LIN28B: variants seen among roughly 807,000 people sequenced by gnomAD.
LIN28B encodes protein lin-28 homolog B.
LIN28B carries 5 observed loss-of-function variants against 21.9 expected under a neutral mutation model. The observed-to-expected ratio is 0.23, with a 90% CI of 0.12 to 0.48. LIN28B has a LOEUF of 0.48. LIN28B is among the 20% of genes least tolerant of loss of function. LIN28B has a pLI of 0.98. For missense variants in LIN28B, 245 were observed against 310.5 expected (o/e 0.79, Z 1.58); for synonymous variants, 109 against 111.3 (o/e 0.98, Z 0.13).
At chr6:105,066,122 G>T (rs1321720369) in intron 3 of LIN28B, among the ~76,000 whole-genome samples, 1 of 152,178 alleles carries the variant, frequency 6.6e-6, no homozygotes, top group Non-Finnish European at 1.5e-5. Flanking sequence ...GTAGTGAGCT[G>T]TGATGGTGCC....
At chr6:104,980,164 C>T (rs1320449097) in intron 2 of LIN28B, among the ~76,000 whole-genome samples, 3 of 151,888 alleles carry the variant, frequency 2.0e-5, no homozygotes, top group African/African-American at 4.8e-5. Context: ...TTTAAAATTC[C>T]GTAATGTAGT....
chr6:105,001,851 G>T (rs907728325), intron 2 of LIN28B, among the ~76,000 whole-genome samples: 2 of 152,174 alleles, frequency 1.3e-5, no homozygotes, highest in African/African-American at 2.4e-5. Flanking sequence ...AGCTGGAAGA[G>T]AATTTATTTT....
intron 2 of LIN28B, among the ~76,000 whole-genome samples, chr6:104,942,826 A>G (rs762344542): frequency 4.6e-5 from 7 of 152,184 alleles, no homozygotes; most frequent in Non-Finnish European, 7.4e-5. Context: ...TCTTTGCTTT[A>G]CAATATAAGG....
chr6:104,976,537 G>C (rs1770097625), intron 2 of LIN28B, among the ~76,000 whole-genome samples: 1 of 152,196 alleles, frequency 6.6e-6, no homozygotes, highest in East Asian at 1.9e-4. Context: ...AGAGCTTATA[G>C]TCATGTGTAT....
chr6:104,971,966 G>GTTATTTATTTAT (rs200156801), intron 2 of LIN28B, among the ~76,000 whole-genome samples: 14 of 151,664 alleles, frequency 9.2e-5, no homozygotes, highest in Non-Finnish European at 1.6e-4. Context: ...TAGTATTACT[G>GTTATTTATTTAT]TTATTTATTT....
At chr6:104,951,569 T>C (rs1778221605) in intron 3 of LIN28B, among the ~76,000 whole-genome samples, 2 of 152,140 alleles carry the variant, frequency 1.3e-5, no homozygotes, top group South Asian at 4.1e-4. Context: ...TGGTTTTCTG[T>C]TGGGGCCAGT....
At chr6:105,043,295 G>A (rs1444181455) in intron 3 of LIN28B, among the ~76,000 whole-genome samples, 6 of 132,676 alleles carry the variant, frequency 4.5e-5, no homozygotes, top group Admixed American at 8.5e-5. Context: ...AGTGGCGCAC[G>A]CCTGTAGTCC....
At chr6:104,989,881 C>A (rs1479331929) in intron 2 of LIN28B, among the ~76,000 whole-genome samples, 1 of 152,128 alleles carries the variant, frequency 6.6e-6, no homozygotes, top group Admixed American at 6.5e-5. Context: ...AAGCATGAGC[C>A]ACCATGCCCA....
intron 3 of LIN28B, among the ~76,000 whole-genome samples, chr6:105,073,424 A>G (rs1319450491): frequency 2.0e-5 from 3 of 151,918 alleles, no homozygotes; most frequent in Non-Finnish European, 4.4e-5. Flanking sequence ...TTTCCCAGGA[A>G]TTTTTATGAA....
At chr6:104,979,870 G>T (rs1236028102) in intron 2 of LIN28B, among the ~76,000 whole-genome samples, 3 of 151,968 alleles carry the variant, frequency 2.0e-5, no homozygotes, top group African/African-American at 7.3e-5. Context: ...TCTTACTTTG[G>T]TCCACTCATA....
At chr6:105,043,246 G>T (rs1477851710) in intron 3 of LIN28B, among the ~76,000 whole-genome samples, 1 of 148,004 alleles carries the variant, frequency 6.8e-6, no homozygotes, top group African/African-American at 2.5e-5. Context: ...GGCCAGCATG[G>T]TGAAACCCCA....
At chr6:105,070,488 G>A (rs938984238) in intron 3 of LIN28B, among the ~76,000 whole-genome samples, 4 of 152,056 alleles carry the variant, frequency 2.6e-5, no homozygotes, top group Non-Finnish European at 4.4e-5. Context: ...GCTAATGCCT[G>A]TAATCCTAGC....
chr6:105,017,273 G>A (rs1771049951), intron 2 of LIN28B, among the ~76,000 whole-genome samples: 1 of 152,068 alleles, frequency 6.6e-6, no homozygotes, highest in Non-Finnish European at 1.5e-5. Flanking sequence ...CCAAGTGTGG[G>A]TGAGGGGTAA....
In LIN28B at chr6:104,966,652, C is replaced by T. The variant is rs375732180; in HGVS notation, c.198+8366C>T. Among the ~76,000 whole-genome samples, 7 of 141,024 alleles carry T rather than the reference C, an allele frequency of 5.0e-5. No individual in the cohort carries two copies. The East Asian group carries it at 6.3e-4, about 13-fold the overall frequency. 92.5% of individuals were successfully genotyped at this position (141,024 alleles called of 152,430 possible). A position where few individuals can be genotyped will look rare whatever the true frequency, so the allele number is the denominator to read the frequency against. The stretch of plus-strand genomic sequence containing the variant: ...TTTTTTTTTTTTTGAGACAGAGTCT[C>T]GCTACATTGCCCAGGCTGGAGTGCA... On this transcript the variant is annotated intron_variant, in intron 2 of 3. Transcript: ENST00000345080.
intron 3 of LIN28B, among the ~76,000 whole-genome samples, chr6:105,058,264 G>A (rs1772059836): frequency 6.6e-6 from 1 of 152,118 alleles, no homozygotes; most frequent in African/African-American, 2.4e-5. Flanking sequence ...GGGGGAGATC[G>A]TTTTCTCTTC....
chr6:105,069,578 A>G (rs1231989945), intron 3 of LIN28B, among the ~76,000 whole-genome samples: 1 of 151,980 alleles, frequency 6.6e-6, no homozygotes, highest in Non-Finnish European at 1.5e-5. Context: ...TTTAAAAAAA[A>G]AAATTAGCCA....
chr6:105,014,601 C>T (rs1196279366), intron 2 of LIN28B, among the ~76,000 whole-genome samples: 1 of 152,110 alleles, frequency 6.6e-6, no homozygotes, highest in Non-Finnish European at 1.5e-5. Flanking sequence ...GAATTACAGG[C>T]GTGAGCCACT....
At chr6:104,991,301 C>T (rs1341251235) in intron 2 of LIN28B, among the ~76,000 whole-genome samples, 4 of 150,268 alleles carry the variant, frequency 2.7e-5, no homozygotes, top group African/African-American at 7.4e-5. Flanking sequence ...TCGGACGGGG[C>T]GGCTGCCGCG....
chr6:105,020,111 T>C (rs1234518079), intron 2 of LIN28B, among the ~76,000 whole-genome samples: 1 of 142,540 alleles, frequency 7.0e-6, no homozygotes, highest in African/African-American at 2.7e-5. Context: ...GTTATTCTTT[T>C]TTTTTTTTTT....
Sources: gnomAD v4.1 joint callset for allele counts (sites outside exome capture counted in the v4.1 genomes callset) on GRCh38, gnomAD v4.1.1 for gene constraint, MANE v1.5 for transcripts, NCBI Gene and HGNC (gene_info 2026-07-23, HGNC 2026-07-21) for gene names.